The following CACNG2 variants were observed in gnomAD, a reference collection of about 807,000 sequenced individuals.
The protein encoded by CACNG2 is voltage-dependent calcium channel gamma-2 subunit.
A neutral mutation model predicts 25.9 loss-of-function variants in CACNG2; 3 were observed. That is an observed-to-expected ratio of 0.12 (90% confidence interval 0.05 to 0.30). The LOEUF is 0.30. Among genes scored for constraint, CACNG2 ranks in the 10% least tolerant of loss-of-function variants. The pLI is 1.00. For missense variants in CACNG2, 341 were observed against 432.5 expected (o/e 0.79, Z 1.88); for synonymous variants, 167 against 173.3 (o/e 0.96, Z 0.29).
chr22:36,603,429 G>A (rs1051948640), intron 1 of CACNG2, among the ~76,000 whole-genome samples: 1 of 152,242 alleles, frequency 6.6e-6, no homozygotes, highest in Non-Finnish European at 1.5e-5. Flanking sequence ...ATCTGGTTAA[G>A]ATCATTGATG....
chr22:36,622,250 A>T (rs1228807195), intron 1 of CACNG2, among the ~76,000 whole-genome samples: 1 of 152,254 alleles, frequency 6.6e-6, no homozygotes, highest in Non-Finnish European at 1.5e-5. Context: ...CAATACTTGA[A>T]ATCGGCAGTT....
intron 1 of CACNG2, among the ~76,000 whole-genome samples, chr22:36,654,992 G>A (rs1013445798): frequency 2.0e-5 from 3 of 152,068 alleles, no homozygotes; most frequent in African/African-American, 7.2e-5. Context: ...GGAAACCCAA[G>A]TCCATCTTGA....
At chr22:36,627,173 AG>A (rs144239714) in intron 1 of CACNG2, among the ~76,000 whole-genome samples, 18,425 of 150,122 alleles carry the variant, frequency 0.12, 1,282 homozygotes, top group East Asian at 0.25. Flanking sequence ...CCTCCCATCT[AG>A]GACCCCATCT....
In CACNG2 at chr22:36,689,033, CT is replaced by C. The variant is rs891707810; in HGVS notation, c.211+13332del. ...TCTCCTTTGTTCTACTGTTGGCGAA[CT>C]CTTATTCGTCCTGCAGAACCCACTG... On this transcript the variant is annotated intron_variant, in intron 1 of 3. Coordinates refer to ENST00000300105, the MANE Select transcript of CACNG2 (RefSeq NM_006078.5). Among the ~76,000 whole-genome samples the C allele has an allele frequency of 9.9e-5, 15 of 152,160 alleles. No individual in the cohort carries two copies. In the East Asian group the frequency reaches 2.9e-3, roughly 29 times the overall value.
chr22:36,569,200 A>G (rs1222790010), intron 2 of CACNG2, among the ~76,000 whole-genome samples: 1 of 152,174 alleles, frequency 6.6e-6, no homozygotes, highest in Non-Finnish European at 1.5e-5. Context: ...TTGAGCAGGT[A>G]CCTAACATAT....
intron 1 of CACNG2, among the ~76,000 whole-genome samples, chr22:36,625,539 A>C (rs1936171708): frequency 6.6e-6 from 1 of 152,178 alleles, no homozygotes; most frequent in Non-Finnish European, 1.5e-5. Context: ...CGAATGAACG[A>C]TGCTTCCAAG....
At position 36,616,882 on chromosome 22, in the gene CACNG2, G is replaced by A. The variant is rs143912175; in HGVS notation, c.212-29334C>T. ...TATTTTCTACTCTGTGTTGGGCATT[G>A]TGATAGGCAAAGGGATGCTGGGCAC... On this transcript the variant is annotated intron_variant, in intron 1 of 3. Coordinates refer to ENST00000300105, the MANE Select transcript of CACNG2 (RefSeq NM_006078.5). Among the ~76,000 whole-genome samples, 630 of 152,290 alleles carry A rather than the reference G, an allele frequency of 4.1e-3. 7 individuals carry two copies. Among genetic ancestry groups the A allele is most frequent in the Non-Finnish European group, 6.5e-3 (444 of 68,038 alleles).
chr22:36,567,487 C>T (rs1464428167), intron 2 of CACNG2, among the ~76,000 whole-genome samples: 2 of 151,946 alleles, frequency 1.3e-5, no homozygotes, highest in Non-Finnish European at 2.9e-5. Flanking sequence ...AAGAGAAACC[C>T]CTCTAGATAA....
intron 1 of CACNG2, among the ~76,000 whole-genome samples, chr22:36,616,190 G>A (rs748129263): frequency 1.3e-5 from 2 of 152,182 alleles, no homozygotes; most frequent in African/African-American, 4.8e-5. Context: ...TCCTAGTGTT[G>A]TGTGAAGGTC....
intron 1 of CACNG2, among the ~76,000 whole-genome samples, chr22:36,642,661 C>T (rs1227667150): frequency 6.6e-6 from 1 of 152,200 alleles, no homozygotes; most frequent in Non-Finnish European, 1.5e-5. Flanking sequence ...CAGTCTCCTG[C>T]CCTGCATCCT....
At chr22:36,680,488 A>G (rs1440493539) in intron 1 of CACNG2, among the ~76,000 whole-genome samples, 1 of 143,320 alleles carries the variant, frequency 7.0e-6, no homozygotes, top group East Asian at 2.2e-4. Context: ...TATCACAGTC[A>G]TTATTACCAC....
chr22:36,588,569 A>G (rs1935540328), intron 1 of CACNG2, among the ~76,000 whole-genome samples: 1 of 152,224 alleles, frequency 6.6e-6, no homozygotes, highest in African/African-American at 2.4e-5. Context: ...TCTGAATGGA[A>G]GAAAGATTGG....
intron 2 of CACNG2, among the ~76,000 whole-genome samples, chr22:36,580,751 T>C (rs930973865): frequency 1.3e-5 from 2 of 152,170 alleles, no homozygotes; most frequent in Non-Finnish European, 2.9e-5. Flanking sequence ...ACATGACTGT[T>C]GGAGGAAGCC....
intron 1 of CACNG2, among the ~76,000 whole-genome samples, chr22:36,701,603 T>C (rs749015360): frequency 9.6e-5 from 14 of 145,308 alleles, no homozygotes; most frequent in Non-Finnish European, 1.8e-4. Context: ...ATGCTGACTC[T>C]ACTAGCTTCT....
At chr22:36,670,156 T>TA (rs1297926510) in intron 1 of CACNG2, among the ~76,000 whole-genome samples, 1 of 152,192 alleles carries the variant, frequency 6.6e-6, no homozygotes, top group East Asian at 1.9e-4. Flanking sequence ...GTAAACTTTT[T>TA]ACTGTGTGCC....
chr22:36,612,979 C>T (rs1935968030), intron 1 of CACNG2, among the ~76,000 whole-genome samples: 2 of 152,122 alleles, frequency 1.3e-5, no homozygotes, highest in South Asian at 2.1e-4. Flanking sequence ...AGAGGAGATA[C>T]AAAATAAAGG....
chr22:36,591,588 C>T (rs904427546), intron 1 of CACNG2, among the ~76,000 whole-genome samples: 14 of 151,950 alleles, frequency 9.2e-5, no homozygotes, highest in Admixed American at 7.2e-4. Context: ...CAGGAGGATC[C>T]CTTGAACCCA....
rs549889293 is a variant in CACNG2 at position 36,666,647 on chromosome 22, C to T, written c.211+35719G>A. Among the ~76,000 whole-genome samples the T allele has an allele frequency of 2.0e-5, 3 of 151,976 alleles. No homozygotes were observed. In the South Asian group the frequency reaches 6.2e-4, roughly 32 times the overall value. On this transcript the variant is annotated intron_variant, in intron 1 of 3. Transcript: ENST00000300105. The stretch of plus-strand genomic sequence containing the variant: ...GTATCTAATGCCACAGGACTCTACA[C>T]TTATAGATTGCTGAGATAGTAAAGG...
At chr22:36,666,877 A>G (rs1366454806) in intron 1 of CACNG2, among the ~76,000 whole-genome samples, 1 of 151,290 alleles carries the variant, frequency 6.6e-6, no homozygotes, top group Non-Finnish European at 1.5e-5. Context: ...CGGATGGCCC[A>G]CTTCCCCTGC....
Sources: gnomAD v4.1 joint callset for allele counts (sites outside exome capture counted in the v4.1 genomes callset) on GRCh38, gnomAD v4.1.1 for gene constraint, MANE v1.5 for transcripts, NCBI Gene and HGNC (gene_info 2026-07-23, HGNC 2026-07-21) for gene names.